The following SOX6 variants were observed in gnomAD, a reference collection of about 807,000 sequenced individuals.
SOX6 encodes the protein SRY-box transcription factor 6.
Under a neutral mutation model 97.8 loss-of-function variants are expected in SOX6, and 11 were observed. That is an observed-to-expected ratio of 0.11 (90% confidence interval 0.07 to 0.19). The LOEUF is 0.19. Among genes scored for constraint, SOX6 ranks in the 10% least tolerant of loss-of-function variants. SOX6 has a pLI of 1.00. For synonymous variants in SOX6, 360 were observed against 371.4 expected (o/e 0.97, Z 0.35); for missense variants, 810 against 1,039.5 (o/e 0.78, Z 3.04).
chr11:16,029,404 G>A (rs890593347), intron 12 of SOX6, among the ~76,000 whole-genome samples: 3 of 152,216 alleles, frequency 2.0e-5, no homozygotes, highest in East Asian at 3.9e-4. Context: ...TTGGGAGGCC[G>A]AGGCGGGTGA....
At chr11:16,527,074 G>A (rs1861178567) in intron 4 of SOX6, among the ~76,000 whole-genome samples, 1 of 151,976 alleles carries the variant, frequency 6.6e-6, no homozygotes, top group Non-Finnish European at 1.5e-5. Context: ...TTTCACTCAG[G>A]AGCAACAGCC....
At chr11:16,532,008 T>C (rs747349838) in intron 4 of SOX6, among the ~76,000 whole-genome samples, 1 of 151,932 alleles carries the variant, frequency 6.6e-6, no homozygotes, top group East Asian at 1.9e-4. Flanking sequence ...TTTGTTGTCT[T>C]TGTCTTAAAC....
At chr11:16,338,574 C>G (rs1173102707) in intron 2 of SOX6, among the ~76,000 whole-genome samples, 1 of 151,908 alleles carries the variant, frequency 6.6e-6, no homozygotes, top group Non-Finnish European at 1.5e-5. Context: ...TTGTTAAATC[C>G]TTTTATTACA....
At chr11:16,531,735 T>C (rs115937486) in intron 4 of SOX6, among the ~76,000 whole-genome samples, 2,141 of 152,046 alleles carry the variant, frequency 0.014, 43 homozygotes, top group East Asian at 0.052. Context: ...GTGTAGTCTA[T>C]ATTAATGTGA....
intron 2 of SOX6, among the ~76,000 whole-genome samples, chr11:16,319,533 T>A (rs915843087): frequency 6.3e-5 from 8 of 126,212 alleles, no homozygotes; most frequent in African/African-American, 1.8e-4. Flanking sequence ...CAGGCCCTGG[T>A]GTGTGATGTT....
chr11:16,390,977 T>C (rs1858159260), intron 1 of SOX6, among the ~76,000 whole-genome samples: 1 of 151,950 alleles, frequency 6.6e-6, no homozygotes, highest in Non-Finnish European at 1.5e-5. Flanking sequence ...ATTAAGAAAA[T>C]GTGGCACATA....
intron 6 of SOX6, among the ~76,000 whole-genome samples, chr11:16,130,996 A>G (rs1849726275): frequency 1.3e-5 from 2 of 152,012 alleles, no homozygotes; most frequent in Admixed American, 6.6e-5. Context: ...TAAGACCTAA[A>G]ACTGAAAAAC....
chr11:16,129,016 A>G (rs1369756136), intron 6 of SOX6, among the ~76,000 whole-genome samples: 1 of 148,520 alleles, frequency 6.7e-6, no homozygotes, highest in Non-Finnish European at 1.5e-5. Context: ...ATGCAACGCC[A>G]TGCCTGGCAT....
intron 3 of SOX6, among the ~76,000 whole-genome samples, chr11:16,284,561 T>C (rs1241419565): frequency 6.6e-6 from 1 of 152,148 alleles, no homozygotes; most frequent in Non-Finnish European, 1.5e-5. Context: ...GATCGCCTTT[T>C]ATGTTCTAGG....
intron 3 of SOX6, among the ~76,000 whole-genome samples, chr11:16,287,327 C>CAA (rs1854784413): frequency 6.6e-6 from 1 of 150,714 alleles, no homozygotes; most frequent in Non-Finnish European, 1.5e-5. Flanking sequence ...CACACACACA[C>CAA]ACGCTCCTCC....
At chr11:15,989,675 A>G (rs920986440) in intron 13 of SOX6, among the ~76,000 whole-genome samples, 4 of 152,150 alleles carry the variant, frequency 2.6e-5, no homozygotes, top group Non-Finnish European at 4.4e-5. Context: ...TGCCTAGAAG[A>G]CACTTCTCCT....
At chr11:16,232,204 G>C (rs1211576500) in intron 4 of SOX6, among the ~76,000 whole-genome samples, 1 of 151,742 alleles carries the variant, frequency 6.6e-6, no homozygotes, top group Admixed American at 6.6e-5. Flanking sequence ...TAACTGGCCT[G>C]GTTTCCACCA....
chr11:16,550,771 T>A (rs1034382105), intron 4 of SOX6, among the ~76,000 whole-genome samples: 1 of 152,194 alleles, frequency 6.6e-6, no homozygotes, highest in Admixed American at 6.5e-5. Context: ...TAAAATAATA[T>A]TATTTAAAGG....
At chr11:16,577,934 C>T (rs1032026060) in intron 4 of SOX6, among the ~76,000 whole-genome samples, 2 of 151,992 alleles carry the variant, frequency 1.3e-5, no homozygotes, top group Non-Finnish European at 2.9e-5. Context: ...TTTTGATGTC[C>T]AATTCATCTT....
intron 9 of SOX6, among the ~76,000 whole-genome samples, chr11:16,065,190 T>G (rs776783665): frequency 6.6e-5 from 10 of 152,000 alleles, no homozygotes; most frequent in Non-Finnish European, 1.5e-4. Context: ...AAAATCAACA[T>G]GTAAAAATCA....
rs746904214 is a variant in SOX6, at chr11:16,096,014, G to T, written c.1083C>A (p.Tyr361Ter). The T allele has an allele frequency of 6.8e-6, 11 of 1,609,766 alleles. No homozygotes were observed. The highest frequency in any genetic ancestry group is 1.7e-6 in the Non-Finnish European group (2 of 1,177,594). ...TTCATACCTCAATCTGTTTGTGGTT[G>T]TAAGAGTGGCCACCACCATGTTCAA... Reference protein sequence around the residue: ...DTFEHGGGHSYNHKQIEQLYA... With the variant: ...DTFEHGGGHS Residue 361 changes from tyrosine (Y) to a stop codon, truncating the protein, a stop_gained, in exon 9 of 16, where the codon TAC (tyrosine) becomes TAA (stop). Coordinates refer to ENST00000683767, the MANE Select transcript of SOX6 (RefSeq NM_001367873.1). LOFTEE classifies it high-confidence loss of function.
chr11:16,646,821 A>G (rs1849021063), intron 3 of SOX6, among the ~76,000 whole-genome samples: 1 of 152,132 alleles, frequency 6.6e-6, no homozygotes, highest in African/African-American at 2.4e-5. Flanking sequence ...GATTTTTGCA[A>G]TTGCCAATCA....
intron 4 of SOX6, among the ~76,000 whole-genome samples, chr11:16,511,203 A>G (rs1860875195): frequency 6.6e-6 from 1 of 152,096 alleles, no homozygotes; most frequent in Non-Finnish European, 1.5e-5. Flanking sequence ...ATATTGTTTA[A>G]TTGTTTGTTC....
chr11:16,624,175 A>AT (rs1405819746), intron 3 of SOX6, among the ~76,000 whole-genome samples: 9 of 72,610 alleles, frequency 1.2e-4, no homozygotes, highest in African/African-American at 3.7e-4. Context: ...AAAGATTTTT[A>AT]TTTTTTTATT....
Sources: allele counts gnomAD v4.1 joint callset (sites outside exome capture counted in the v4.1 genomes callset), GRCh38; gene constraint gnomAD v4.1.1; transcripts MANE v1.5; gene names NCBI Gene and HGNC (gene_info 2026-07-23, HGNC 2026-07-21).